SYNJ1: variants seen among roughly 807,000 people sequenced by gnomAD.
The protein encoded by SYNJ1 is synaptojanin 1.
SYNJ1 carries 78 observed loss-of-function variants against 168.2 expected under a neutral mutation model. The ratio of observed to expected loss-of-function variants is 0.46; its 90% confidence interval spans 0.39 to 0.56. SYNJ1 has a LOEUF of 0.56. Ranked by LOEUF, SYNJ1 falls within the 20% of genes least tolerant of loss-of-function variation. The pLI, the probability that SYNJ1 is intolerant of heterozygous loss-of-function variation, is 0.00. For missense variants in SYNJ1, 1,303 were observed against 1,597.6 expected (o/e 0.82, Z 3.14); for synonymous variants, 539 against 548.6 (o/e 0.98, Z 0.24).
chr21:32,686,094 C>T (rs1027999608), intron 8 of SYNJ1, among the ~76,000 whole-genome samples, 177 bp from the exon 9 acceptor site: 3 of 152,174 alleles, frequency 2.0e-5, no homozygotes, highest in Non-Finnish European at 4.4e-5. Flanking sequence ...ATATTCTCAT[C>T]TGGCTTAGGA....
chr21:32,722,182 T>C (rs779453185), intron 2 of SYNJ1, among the ~76,000 whole-genome samples: 38 of 106,252 alleles, frequency 3.6e-4, no homozygotes, highest in Non-Finnish European at 5.3e-4. Flanking sequence ...TGAAACTCCA[T>C]CTCAAAGAAA....
chr21:32,646,511 G>C lies in SYNJ1; in HGVS notation c.3129C>G (p.Ser1043Arg), dbSNP rs1569037678. ...GGCAGGGACTAGTTCGGGGTGAAGA[G>C]CTGGGGGAAGTACCAAGGCCGGAAC... ...SSSSGLGTSP[S>R]SSPRTSPCQS... Residue 1043 changes from serine to arginine, a missense_variant, in exon 24 of 33, where the codon AGC becomes AGG. Physicochemically the swap from Ser to Arg is moderately radical, Grantham distance 110. Coordinates refer to ENST00000674351, the MANE Select transcript of SYNJ1 (RefSeq NM_203446.3). 1 of 1,614,160 alleles carries C rather than the reference G, an allele frequency of 6.2e-7. No individual in the cohort carries two copies. Among genetic ancestry groups the C allele is most frequent in the Non-Finnish European group, 8.5e-7 (1 of 1,180,010 alleles).
intron 4 of SYNJ1, among the ~76,000 whole-genome samples, chr21:32,699,246 C>T (rs2042314644): frequency 6.6e-6 from 1 of 152,190 alleles, no homozygotes; most frequent in Admixed American, 6.5e-5. Context: ...TGGAAACACC[C>T]CCAAGACATT....
intron 2 of SYNJ1, among the ~76,000 whole-genome samples, chr21:32,717,062 T>C (rs765390099): frequency 6.6e-6 from 1 of 152,040 alleles, no homozygotes; most frequent in Non-Finnish European, 1.5e-5. Flanking sequence ...TGGGTTCAAG[T>C]AATTCTCCTG....
intron 12 of SYNJ1, among the ~76,000 whole-genome samples, chr21:32,677,282 T>G (rs2041449622): frequency 6.6e-6 from 1 of 152,168 alleles, no homozygotes; most frequent in South Asian, 2.1e-4. Context: ...TACCTAGTGT[T>G]GCTTCCCAGC....
chr21:32,726,988 CA>C, intron 1 of SYNJ1, 71 bp from the exon 2 acceptor site: 1 of 1,542,856 alleles, frequency 6.5e-7, no homozygotes, highest in Non-Finnish European at 8.8e-7. Context: ...GCAAAGCATC[CA>C]AAAGTCCCTC....
rs1174240943 is a variant in SYNJ1 at position 32,701,993 on chromosome 21, T to C, written c.179A>G (p.Tyr60Cys). The C allele has an allele frequency of 3.8e-6, 6 of 1,578,012 alleles. No individual in the cohort carries two copies. Among genetic ancestry groups the C allele is most frequent in the South Asian group, 1.2e-5 (1 of 84,700 alleles). Reference protein sequence around the residue: ...KGTYSKVLDAYGLLGVLRLNL... With the variant: ...KGTYSKVLDACGLLGVLRLNL... ...TAACCGCAGAACACCTAAGAGTCCATATGCATCCAGTACTTTGGAGTATGT... is the reference window on the plus strand; with the variant it reads ...TAACCGCAGAACACCTAAGAGTCCACATGCATCCAGTACTTTGGAGTATGT... Residue 60 changes from tyrosine to cysteine, a missense_variant, in exon 3 of 33, where the codon TAT (tyrosine) becomes TGT (cysteine). Physicochemically the swap from Tyr to Cys is radical, Grantham distance 194. Around this residue, in one of 2 missense-constraint regions of SYNJ1, gnomAD observed 920 missense variants for 1,208.8 expected, o/e 0.76. Coordinates refer to ENST00000674351, the MANE Select transcript of SYNJ1 (RefSeq NM_203446.3).
intron 13 of SYNJ1, among the ~76,000 whole-genome samples, chr21:32,676,023 C>G (rs1183339320): frequency 2.6e-5 from 4 of 152,064 alleles, no homozygotes; most frequent in Non-Finnish European, 4.4e-5. Flanking sequence ...TAAGGCATAA[C>G]ACTAATAATA....
intron 22 of SYNJ1, among the ~76,000 whole-genome samples, 154 bp downstream of exon 22, chr21:32,653,134 A>T (rs2040334595): frequency 6.6e-6 from 1 of 152,208 alleles, no homozygotes; most frequent in Non-Finnish European, 1.5e-5. Context: ...TCAGAAATCC[A>T]GTCTAAATAA....
At chr21:32,710,595 G>C (rs1487683299) in intron 2 of SYNJ1, among the ~76,000 whole-genome samples, 1 of 151,808 alleles carries the variant, frequency 6.6e-6, no homozygotes. Flanking sequence ...CATGATCATA[G>C]CTCACTGTAA....
At chr21:32,678,911 A>G in intron 11 of SYNJ1, 110 bp from the exon 12 acceptor site, 1 of 1,427,580 alleles carries the variant, frequency 7.0e-7, no homozygotes, top group South Asian at 1.3e-5. Context: ...TTAGTATAAA[A>G]AAGGACCTAA....
intron 27 of SYNJ1, among the ~76,000 whole-genome samples, chr21:32,642,458 C>T (rs2833930): frequency 0.29 from 44,206 of 152,120 alleles, 6,492 homozygotes; most frequent in Middle Eastern, 0.36. Context: ...ATACAGTCAG[C>T]TGTGTGAATG....
chr21:32,646,418 T>C lies in SYNJ1; in HGVS notation c.3222A>G (p.Arg1074=). The stretch of plus-strand genomic sequence containing the variant: ...TCTGTGCACTGGGAGGCCCAGGAGT[T>C]CTTGACGGTGCTCGGCTTGGTCTGA... ...LPIRPSRAPS[R]TPGPPSAQSS... Residue 1074 remains arginine, a synonymous_variant, in exon 24 of 33, where the codon AGA becomes AGG. Transcript: ENST00000674351. 1 of 1,614,142 alleles carries C rather than the reference T, an allele frequency of 6.2e-7. No individual in the cohort carries two copies. The highest frequency in any genetic ancestry group is 8.5e-7 in the Non-Finnish European group (1 of 1,180,022).
At chr21:32,658,282 G>A (rs2040541165) in intron 18 of SYNJ1, among the ~76,000 whole-genome samples, 1 of 152,182 alleles carries the variant, frequency 6.6e-6, no homozygotes, top group Non-Finnish European at 1.5e-5. Context: ...AGAGAGAGGA[G>A]AGGCAGCTGG....
At position 32,676,323 on chromosome 21, in the gene SYNJ1, A is replaced by G. The variant is rs754756374; in HGVS notation, c.1534+9T>C. ...GCTTTTATTTATAGATTGATTTTCT[A>G]TACTGTACCTGACTGTAATGTCTGC... On this transcript the variant is annotated intron_variant, in intron 13 of 32. Transcript: ENST00000674351. 4 of 1,590,504 alleles carry G rather than the reference A, an allele frequency of 2.5e-6. No homozygotes were observed. The highest frequency in any genetic ancestry group is 3.4e-6 in the Non-Finnish European group (4 of 1,169,784).
At chr21:32,657,412 T>C (rs548776032) in intron 19 of SYNJ1, among the ~76,000 whole-genome samples, 3 of 152,310 alleles carry the variant, frequency 2.0e-5, no homozygotes, top group Admixed American at 1.3e-4. Flanking sequence ...CAAGTGGCAG[T>C]TCAAAACATA....
At chr21:32,726,990 A>G (rs2043485670) in intron 1 of SYNJ1, 73 bp from the exon 2 acceptor site, 7 of 1,545,076 alleles carry the variant, frequency 4.5e-6, no homozygotes, top group Non-Finnish European at 5.2e-6. Flanking sequence ...AAAGCATCCA[A>G]AAGTCCCTCC....
intron 23 of SYNJ1, among the ~76,000 whole-genome samples, chr21:32,649,745 A>G (rs767688338): frequency 4.0e-5 from 6 of 151,754 alleles, no homozygotes; most frequent in Non-Finnish European, 5.9e-5. Context: ...ATGTGAAATA[A>G]ATTTGTTTTG....
chr21:32,668,011 G>A (rs200956624), intron 15 of SYNJ1, among the ~76,000 whole-genome samples: 5 of 6,062 alleles, frequency 8.2e-4, no homozygotes, highest in Admixed American at 2.1e-3. Context: ...GAATATATAT[G>A]TGTGTGTGTG....
Sources: allele counts gnomAD v4.1 joint callset (sites outside exome capture counted in the v4.1 genomes callset), GRCh38; gene constraint gnomAD v4.1.1; regional missense constraint gnomAD v4.1.1; transcripts MANE v1.5; gene names NCBI Gene and HGNC (gene_info 2026-07-23, HGNC 2026-07-21).